Variants in ZDHHC20 observed in about 807,000 individuals in gnomAD.
ZDHHC20 encodes palmitoyltransferase ZDHHC20.
Under a neutral mutation model 57.8 loss-of-function variants are expected in ZDHHC20, and 43 were observed. That is an observed-to-expected ratio of 0.74 (90% CI 0.58 to 0.96). The LOEUF (loss-of-function observed/expected upper bound fraction) is 0.96. Ranked by LOEUF, ZDHHC20 falls within the 40% of genes least tolerant of loss-of-function variation. The probability of loss-of-function intolerance (pLI) is 0.00; values close to 1 mark genes in which losing one functional copy is unlikely to be tolerated. For missense variants in ZDHHC20, 391 were observed against 441.1 expected, an observed-to-expected ratio of 0.89 and a Z score of 1.02; for synonymous variants, 157 against 153.0, an observed-to-expected ratio of 1.03 and a Z score of -0.19.
At position 21,373,846 on chromosome 13, in the gene ZDHHC20, G is replaced by T. The variant is rs1871581557; in HGVS notation, c.*2850C>A. On this transcript the variant is annotated 3_prime_UTR_variant, in exon 13 of 13. Transcript: ENST00000400590. ...ACCACTTGTAGGCCTTTGCTAGAAT[G>T]GTCATTAATACGTATGAATCAGTTG... 6.6e-6 allele frequency: 1 copy of T among 152,202 alleles called. No homozygotes were observed. The allele number at this position is 152,202 out of a possible 1,614,324, so 9.4% of individuals were successfully genotyped here. A position where few individuals can be genotyped will look rare whatever the true frequency, so the allele number is the denominator to read the frequency against.
intron 11 of ZDHHC20, among the ~76,000 whole-genome samples, chr13:21,379,357 C>T (rs890098640): frequency 2.0e-5 from 3 of 151,952 alleles, no homozygotes; most frequent in East Asian, 3.9e-4. Flanking sequence ...TCATAGCTCA[C>T]TGTAGCTTCA....
chr13:21,458,985 G>T, intron 1 of ZDHHC20, 69 bp downstream of exon 1: 1 of 1,241,448 alleles, frequency 8.1e-7, no homozygotes, highest in East Asian at 3.0e-5. Context: ...CGGGTGTGGG[G>T]CGCAGAGGCC....
Position 21,402,788 on chromosome 13 carries a change from A to T in ZDHHC20, c.440+9T>A, listed in dbSNP as rs571757267. The T allele has an allele frequency of 2.1e-5, 34 of 1,591,276 alleles. No individual in the cohort carries two copies. In the South Asian group the frequency reaches 3.8e-4, roughly 18 times the overall value. On this transcript the variant is annotated intron_variant, in intron 5 of 12. Coordinates refer to ENST00000400590, the MANE Select transcript of ZDHHC20 (RefSeq NM_001330059.2). ...CTAGATATTAAGCATATGTGTGAGT[A>T]ACACTTACGAGTCACAGGCTGAGCA... is the stretch of plus-strand genomic sequence containing the variant.
intron 1 of ZDHHC20, among the ~76,000 whole-genome samples, chr13:21,434,116 G>A (rs1436898030): frequency 6.6e-6 from 1 of 152,034 alleles, no homozygotes; most frequent in East Asian, 1.9e-4. Context: ...CTGTGTGTCT[G>A]TGTGTGTGCG....
chr13:21,413,526 T>C (rs1879515879), intron 4 of ZDHHC20, 126 bp downstream of exon 4: 20 of 782,262 alleles, frequency 2.6e-5, no homozygotes, highest in Non-Finnish European at 3.6e-5. Context: ...GAAAGTCTTG[T>C]TGCTACAGAT....
intron 4 of ZDHHC20, among the ~76,000 whole-genome samples, chr13:21,403,681 TTTTG>T (rs1878035339): frequency 1.3e-5 from 2 of 151,950 alleles, no homozygotes; most frequent in Non-Finnish European, 2.9e-5. Context: ...GAAGTTGCTT[TTTTG>T]TTTGTTTTTT....
chr13:21,378,392 T>G (rs1872628330), intron 12 of ZDHHC20, among the ~76,000 whole-genome samples: 1 of 152,278 alleles, frequency 6.6e-6, no homozygotes, highest in South Asian at 2.1e-4. Flanking sequence ...AGGTACTGCC[T>G]TCTGAAAAGG....
intron 1 of ZDHHC20, among the ~76,000 whole-genome samples, chr13:21,456,882 A>G (rs1884973915): frequency 6.6e-6 from 1 of 152,216 alleles, no homozygotes; most frequent in South Asian, 2.1e-4. Context: ...ATTATGGACC[A>G]AACAATTACA....
intron 8 of ZDHHC20, among the ~76,000 whole-genome samples, chr13:21,387,995 C>G (rs1874883133): frequency 6.6e-6 from 1 of 151,822 alleles, no homozygotes; most frequent in South Asian, 2.1e-4. Flanking sequence ...TAGCACTGTA[C>G]CAGGTATTTG....
In ZDHHC20 at chr13:21,387,521, G is replaced by C. The variant is rs1473523480; in HGVS notation, c.841C>G (p.Pro281Ala). ...FGDEKKYWLL[P>A]IFSSLGDGCS... ...TTTATAAATTACCTTGAAAATATTG[G>C]AAGTAGCCAATATTTCTTTTCATCA... The change falls in exon 9 of 13, where the codon CCA becomes GCA. Residue 281 changes from proline (P) to alanine (A), a missense_variant. By Grantham distance (27) the Pro-to-Ala change is conservative. Transcript: ENST00000400590. 1 of 1,532,086 alleles carries C rather than the reference G, an allele frequency of 6.5e-7. No individual in the cohort carries two copies. Among genetic ancestry groups the C allele is most frequent in the Admixed American group, 2.0e-5 (1 of 48,830 alleles). The allele number at this position is 1,532,086 out of a possible 1,614,324, so 94.9% of individuals were successfully genotyped here.
chr13:21,433,617 G>C (rs1369554664), intron 1 of ZDHHC20, among the ~76,000 whole-genome samples: 1 of 150,912 alleles, frequency 6.6e-6, no homozygotes, highest in Non-Finnish European at 1.5e-5. Flanking sequence ...ACTCCATCTG[G>C]TGGGGGTGGG....
chr13:21,454,736 G>A (rs563602652), intron 1 of ZDHHC20, among the ~76,000 whole-genome samples: 1 of 152,310 alleles, frequency 6.6e-6, no homozygotes, highest in East Asian at 1.9e-4. Flanking sequence ...CATGTACAAT[G>A]ATAGTGCTTA....
At chr13:21,422,466 A>G (rs1263136718) in intron 2 of ZDHHC20, among the ~76,000 whole-genome samples, 1 of 152,110 alleles carries the variant, frequency 6.6e-6, no homozygotes, top group East Asian at 1.9e-4. Flanking sequence ...TTTCTTCTGA[A>G]ATTGTATTGG....
Position 21,410,935 on chromosome 13 carries a change from G to A in ZDHHC20, c.370+2717C>T, listed in dbSNP as rs2137847663. Among the ~76,000 whole-genome samples the A allele has an allele frequency of 1.3e-5, 2 of 152,348 alleles. 1 individual carries two copies. The highest frequency in any genetic ancestry group is 2.9e-5 in the Non-Finnish European group (2 of 68,038). ...AAAAAAAACTCCTGCAGCTAGCTCA[G>A]TGTCTGCCCAAATGGCCACCCACTT... On this transcript the variant is annotated intron_variant, in intron 4 of 12. Coordinates refer to ENST00000400590, the MANE Select transcript of ZDHHC20 (RefSeq NM_001330059.2).
At chr13:21,428,661 C>G (rs1001020846) in intron 1 of ZDHHC20, among the ~76,000 whole-genome samples, 5 of 151,426 alleles carry the variant, frequency 3.3e-5, no homozygotes, top group Non-Finnish European at 5.9e-5. Context: ...GAGTTCAAGA[C>G]CAGCCTGGCC....
chr13:21,436,315 C>T (rs2137980886), intron 1 of ZDHHC20, among the ~76,000 whole-genome samples: 1 of 152,294 alleles, frequency 6.6e-6, no homozygotes, highest in East Asian at 1.9e-4. Context: ...CATATAGGCA[C>T]ATCTCATAAG....
chr13:21,448,645 C>A (rs1236317429), intron 1 of ZDHHC20, among the ~76,000 whole-genome samples: 1 of 98,148 alleles, frequency 1.0e-5, no homozygotes, highest in African/African-American at 3.1e-5. Context: ...AGGTGAGGGG[C>A]GCCTCTGCCC....
At position 21,452,975 on chromosome 13, in the gene ZDHHC20, A is replaced by G. The variant is rs751795649; in HGVS notation, c.118+6079T>C. Among the ~76,000 whole-genome samples, 165 of 152,242 alleles carry G rather than the reference A, an allele frequency of 1.1e-3. 3 individuals are homozygous for G. The highest frequency in any genetic ancestry group is 6.5e-4 in the Admixed American group (10 of 15,286). ...AAGAGCAAATGATAGACTTAAGCCT[A>G]TATCAATAATCACATTAAATGTAGA... On this transcript the variant is annotated intron_variant, in intron 1 of 12. Transcript: ENST00000400590.
chr13:21,412,399 A>G (rs1333179864), intron 4 of ZDHHC20, among the ~76,000 whole-genome samples: 2 of 152,222 alleles, frequency 1.3e-5, no homozygotes, highest in Non-Finnish European at 1.5e-5. Flanking sequence ...AGGTGAAAGG[A>G]CAGTACAGAA....
Sources: allele counts gnomAD v4.1 joint callset (sites outside exome capture counted in the v4.1 genomes callset), GRCh38; gene constraint gnomAD v4.1.1; transcripts MANE v1.5; gene names NCBI Gene and HGNC (gene_info 2026-07-23, HGNC 2026-07-21).